Variants in BRIP1 observed in about 807,000 individuals in gnomAD.
BRIP1 encodes Fanconi anemia group J protein.
A neutral mutation model predicts 119.7 loss-of-function variants in BRIP1; 88 were observed. That is an observed-to-expected ratio of 0.74 (90% confidence interval 0.62 to 0.88). The LOEUF (loss-of-function observed/expected upper bound fraction) is 0.88, where lower values mean the gene tolerates loss of function less well. BRIP1 is among the 40% of genes least tolerant of loss of function. The pLI is 0.00. For missense variants in BRIP1, 1,259 were observed against 1,455.4 expected, an observed-to-expected ratio of 0.87 and a Z score of 2.20; for synonymous variants, 443 against 496.5, an observed-to-expected ratio of 0.89 and a Z score of 1.43.
At chr17:61,749,544 T>G (rs748442800) in intron 14 of BRIP1, among the ~76,000 whole-genome samples, 10 of 152,114 alleles carry the variant, frequency 6.6e-5, no homozygotes, top group Non-Finnish European at 1.5e-4. Context: ...AAAACCACGA[T>G]GAGATATTGG....
rs2061992470 is a variant in BRIP1 at position 61,722,214 on chromosome 17, T to C, written c.2380-6151A>G. Among the ~76,000 whole-genome samples the C allele has an allele frequency of 6.6e-6, 1 of 152,044 alleles. No homozygotes were observed. The highest frequency in any genetic ancestry group is 2.4e-5 in the African/African-American group (1 of 41,396). On this transcript the variant is annotated intron_variant, in intron 16 of 19. Coordinates refer to ENST00000259008, the MANE Select transcript of BRIP1 (RefSeq NM_032043.3). This position sits in a 1 kb window ranked among gnomAD's most constrained non-coding sequence, Gnocchi z 4.6. ...ATGCCACCATGCCCAGCTATTCTTT[T>C]GTATTTTTAGTAGAGAGGGGGGTTT...
Position 61,846,043 on chromosome 17 carries a change from G to A in BRIP1, c.627+1058C>T, listed in dbSNP as rs1223698923. Among the ~76,000 whole-genome samples, 1 of 151,896 alleles carries A rather than the reference G, an allele frequency of 6.6e-6. No individual in the cohort carries two copies. Among genetic ancestry groups the A allele is most frequent in the African/African-American group, 2.4e-5 (1 of 41,356 alleles). On this transcript the variant is annotated intron_variant, in intron 6 of 19. Coordinates refer to ENST00000259008, the MANE Select transcript of BRIP1 (RefSeq NM_032043.3). The surrounding 1 kb of genome is among the most constrained non-coding windows in gnomAD (Gnocchi z 4.3). ...TAAAAATACAAAAAATTAGCCAGGCGTGGTGGCAGGCGCCTGTAGTCCCAA... is the reference window on the plus strand; with the variant it reads ...TAAAAATACAAAAAATTAGCCAGGCATGGTGGCAGGCGCCTGTAGTCCCAA...
Position 61,762,248 on chromosome 17 carries a change from C to T in BRIP1, c.2097+14153G>A, listed in dbSNP as rs1204841729. Among the ~76,000 whole-genome samples, 1 of 151,738 alleles carries T rather than the reference C, an allele frequency of 6.6e-6. No homozygotes were observed. Among genetic ancestry groups the T allele is most frequent in the Non-Finnish European group, 1.5e-5 (1 of 67,888 alleles). On this transcript the variant is annotated intron_variant, in intron 14 of 19. Coordinates refer to ENST00000259008, the MANE Select transcript of BRIP1 (RefSeq NM_032043.3). The surrounding 1 kb of genome is among the most constrained non-coding windows in gnomAD (Gnocchi z 4.3). ...ATCTCACAATATTTAAAAAAAAACT[C>T]AAAATGAATTAAAGATTTAAACCCA...
In BRIP1 at chr17:61,746,145, G is replaced by A. The variant is rs942509642; in HGVS notation, c.2098-1554C>T. ...TTTTTAGAAATAAACTTCTTAATAA[G>A]ACTATAAAACAAAACATTAGTAAAA... is the stretch of plus-strand genomic sequence containing the variant. On this transcript the variant is annotated intron_variant, in intron 14 of 19. Coordinates refer to ENST00000259008, the MANE Select transcript of BRIP1 (RefSeq NM_032043.3). This position sits in a 1 kb window ranked among gnomAD's most constrained non-coding sequence, Gnocchi z 4.9. Among the ~76,000 whole-genome samples, 3 of 151,974 alleles carry A rather than the reference G, an allele frequency of 2.0e-5. No homozygotes were observed. Among genetic ancestry groups the A allele is most frequent in the African/African-American group, 7.2e-5 (3 of 41,418 alleles).
chr17:61,789,030 G>A lies in BRIP1; in HGVS notation c.1473+4567C>T, dbSNP rs543162053. On this transcript the variant is annotated intron_variant, in intron 10 of 19. Transcript: ENST00000259008. This position sits in a 1 kb window ranked among gnomAD's most constrained non-coding sequence, Gnocchi z 4.8. ...GAATTGCCTGAACCTGGGAGGCGGA[G>A]GTTGCAGTGGGCTGAGATCACACCA... Among the ~76,000 whole-genome samples the A allele has an allele frequency of 1.1e-4, 17 of 152,080 alleles. No individual in the cohort carries two copies. Among genetic ancestry groups the A allele is most frequent in the Non-Finnish European group, 1.8e-4 (12 of 68,020 alleles).
Position 61,752,230 on chromosome 17 carries a change from C to CTGATTATTAATA in BRIP1, c.2098-7651_2098-7640dup, listed in dbSNP as rs1567788153. ...AATATAAAAATTAAACAACATTAGT[C>CTGATTATTAATA]TGATTATTAATATGATGAGTTAGAG... On this transcript the variant is annotated intron_variant, in intron 14 of 19. Transcript: ENST00000259008. The surrounding 1 kb of genome is among the most constrained non-coding windows in gnomAD (Gnocchi z 6.2). 1.3e-5 allele frequency among the ~76,000 whole-genome samples: 2 copies of CTGATTATTAATA among 151,984 alleles called. No individual in the cohort carries two copies. Among genetic ancestry groups the CTGATTATTAATA allele is most frequent in the Non-Finnish European group, 2.9e-5 (2 of 68,012 alleles).
intron 14 of BRIP1, among the ~76,000 whole-genome samples, chr17:61,763,512 A>T (rs541875059): frequency 6.6e-6 from 1 of 151,936 alleles, no homozygotes; most frequent in South Asian, 2.1e-4. Context: ...TCAAGCTAAC[A>T]TTATCTACAC....
rs2077417212 is a variant in BRIP1 at position 61,769,478 on chromosome 17, AG to A, written c.2097+6922del. Among the ~76,000 whole-genome samples, 1 of 152,148 alleles carries A rather than the reference AG, an allele frequency of 6.6e-6. No individual in the cohort carries two copies. Among genetic ancestry groups the A allele is most frequent in the African/African-American group, 2.4e-5 (1 of 41,438 alleles). ...TAATATTAATACATTTAATAACTGT[AG>A]TCACTGTACTATGTGAGAATTGACA... On this transcript the variant is annotated intron_variant, in intron 14 of 19. Transcript: ENST00000259008. The surrounding 1 kb of genome is among the most constrained non-coding windows in gnomAD (Gnocchi z 4.9).
intron 6 of BRIP1, among the ~76,000 whole-genome samples, chr17:61,811,845 G>C (rs1044121148): frequency 6.6e-6 from 1 of 151,850 alleles, no homozygotes; most frequent in Non-Finnish European, 1.5e-5. Flanking sequence ...CCAGATACTC[G>C]GGAGGCTGAG....
Position 61,860,029 on chromosome 17 carries a change from A to G in BRIP1, c.94-122T>C. 1.4e-6 allele frequency: 1 copy of G among 700,018 alleles called. No individual in the cohort carries two copies. The highest frequency in any genetic ancestry group is 2.6e-6 in the Non-Finnish European group (1 of 389,724). The allele number at this position is 700,018 out of a possible 1,614,324, so 43.4% of individuals were successfully genotyped here. A position where few individuals can be genotyped will look rare whatever the true frequency, so the allele number is the denominator to read the frequency against. ...ATTGCACTCCAGGGAACACAACAATAGCAGAAGGAACTCATATTTAGTTAA... is the reference window on the plus strand; with the variant it reads ...ATTGCACTCCAGGGAACACAACAATGGCAGAAGGAACTCATATTTAGTTAA... On this transcript the variant is annotated intron_variant, in intron 2 of 19. Transcript: ENST00000259008. This position sits in a 1 kb window ranked among gnomAD's most constrained non-coding sequence, Gnocchi z 4.1.
rs2077389019 is a variant in BRIP1, at chr17:61,767,419, A to G, written c.2097+8982T>C. ...AGCCTCCTAAGTAGCTGGGACTCAC[A>G]ACACCACACCTGGCTGATATTTTTT... is the stretch of plus-strand genomic sequence containing the variant. On this transcript the variant is annotated intron_variant, in intron 14 of 19. Coordinates refer to ENST00000259008, the MANE Select transcript of BRIP1 (RefSeq NM_032043.3). The surrounding 1 kb of genome is among the most constrained non-coding windows in gnomAD (Gnocchi z 5.7). 6.6e-6 allele frequency among the ~76,000 whole-genome samples: 1 copy of G among 151,858 alleles called. No individual in the cohort carries two copies. The highest frequency in any genetic ancestry group is 2.4e-5 in the African/African-American group (1 of 41,348).
chr17:61,832,641 T>C lies in BRIP1; in HGVS notation c.627+14460A>G, dbSNP rs1301974425. ...CTAGATAAGCTGTAATATTCTGAAG[T>C]GTCAAAATCATGACAGTCAAGGAAA... On this transcript the variant is annotated intron_variant, in intron 6 of 19. Coordinates refer to ENST00000259008, the MANE Select transcript of BRIP1 (RefSeq NM_032043.3). This position sits in a 1 kb window ranked among gnomAD's most constrained non-coding sequence, Gnocchi z 5.5. Among the ~76,000 whole-genome samples, 1 of 152,172 alleles carries C rather than the reference T, an allele frequency of 6.6e-6. No homozygotes were observed. Among genetic ancestry groups the C allele is most frequent in the Non-Finnish European group, 1.5e-5 (1 of 68,036 alleles).
At position 61,754,125 on chromosome 17, in the gene BRIP1, C is replaced by T. The variant is rs1461199944; in HGVS notation, c.2098-9534G>A. Among the ~76,000 whole-genome samples, 6 of 152,212 alleles carry T rather than the reference C, an allele frequency of 3.9e-5. No homozygotes were observed. The highest frequency in any genetic ancestry group is 3.3e-4 in the Admixed American group (5 of 15,278). ...AGTCCATTTTCCATACAGCAGCCAA[C>T]ATAATCCTTTTAAAACTAAGTTTAA... On this transcript the variant is annotated intron_variant, in intron 14 of 19. Transcript: ENST00000259008. The surrounding 1 kb of genome is among the most constrained non-coding windows in gnomAD (Gnocchi z 4.1).
rs2076921383 is a variant in BRIP1, at chr17:61,736,546, C to T, written c.2379+6467G>A. Among the ~76,000 whole-genome samples, 1 of 152,250 alleles carries T rather than the reference C, an allele frequency of 6.6e-6. No homozygotes were observed. The highest frequency in any genetic ancestry group is 1.5e-5 in the Non-Finnish European group (1 of 68,010). On this transcript the variant is annotated intron_variant, in intron 16 of 19. Transcript: ENST00000259008. This position sits in a 1 kb window ranked among gnomAD's most constrained non-coding sequence, Gnocchi z 4.4. ...TTATGAGTCATATCACTGTTTACTA[C>T]CATCCTGTTCATTATTATCTAATGA...
intron 10 of BRIP1, among the ~76,000 whole-genome samples, chr17:61,790,871 C>G (rs1331312600): frequency 1.3e-5 from 2 of 152,152 alleles, no homozygotes; most frequent in East Asian, 3.9e-4. Context: ...AAGCAATCCG[C>G]CAGCCTCAGC....
At position 61,684,017 on chromosome 17, in the gene BRIP1, T is replaced by C. The variant is rs2061322760; in HGVS notation, c.3029A>G (p.Gln1010Arg). The C allele has an allele frequency of 6.2e-7, 1 of 1,614,016 alleles. No homozygotes were observed. Among genetic ancestry groups the C allele is most frequent in the East Asian group, 2.2e-5 (1 of 44,898 alleles). Residue 1010 changes from glutamine (Q) to arginine (R), a missense_variant, in exon 20 of 20, where the codon CAG (glutamine) becomes CGG (arginine). Physicochemically the swap from Gln to Arg is conservative, Grantham distance 43. Transcript: ENST00000259008. The surrounding 1 kb of genome is among the most constrained non-coding windows in gnomAD (Gnocchi z 4.5). ...CTTCGGTATTTTACCAGTAAAATAC[T>C]GTCCCAAAGAATTAAAGCTTGACCA... Reference protein sequence around the residue: ...VSWSSFNSLGQYFTGKIPKAT... With the variant: ...VSWSSFNSLGRYFTGKIPKAT...
At chr17:61,812,635 T>G (rs1174249733) in intron 6 of BRIP1, among the ~76,000 whole-genome samples, 1 of 151,434 alleles carries the variant, frequency 6.6e-6, no homozygotes, top group African/African-American at 2.4e-5. Context: ...CATGTGGATG[T>G]GACAGCTATA....
chr17:61,730,056 A>C lies in BRIP1; in HGVS notation c.2379+12957T>G, dbSNP rs559533521. Among the ~76,000 whole-genome samples, 1 of 152,350 alleles carries C rather than the reference A, an allele frequency of 6.6e-6. No individual in the cohort carries two copies. The highest frequency in any genetic ancestry group is 1.5e-5 in the Non-Finnish European group (1 of 68,024). ...ATCTGGTATACTTGATGCAGTAGGA[A>C]AATACACTGAGTTATTTGTATAGCT... On this transcript the variant is annotated intron_variant, in intron 16 of 19. Coordinates refer to ENST00000259008, the MANE Select transcript of BRIP1 (RefSeq NM_032043.3). The surrounding 1 kb of genome is among the most constrained non-coding windows in gnomAD (Gnocchi z 4.3).
In BRIP1 at chr17:61,798,802, C is replaced by T. The variant is rs1019539042; in HGVS notation, c.1340+298G>A. On this transcript the variant is annotated intron_variant, in intron 9 of 19. Coordinates refer to ENST00000259008, the MANE Select transcript of BRIP1 (RefSeq NM_032043.3). The surrounding 1 kb of genome is among the most constrained non-coding windows in gnomAD (Gnocchi z 5.5). The stretch of plus-strand genomic sequence containing the variant: ...TTTTAAAATATATTAATTAAAAGCA[C>T]GTTTAGTTTCTGGTTCAATATCCTA... 7.9e-5 allele frequency among the ~76,000 whole-genome samples: 12 copies of T among 151,912 alleles called. No individual in the cohort carries two copies. Among genetic ancestry groups the T allele is most frequent in the African/African-American group, 2.4e-4 (10 of 41,390 alleles).
Sources: allele counts gnomAD v4.1 joint callset (sites outside exome capture counted in the v4.1 genomes callset), GRCh38; gene constraint gnomAD v4.1.1; non-coding constraint Gnocchi (gnomAD v3.1); transcripts MANE v1.5; gene names NCBI Gene and HGNC (gene_info 2026-07-23, HGNC 2026-07-21).